Variants in PRICKLE2 observed in about 807,000 individuals in gnomAD.
The protein encoded by PRICKLE2 is prickle planar cell polarity protein 2.
PRICKLE2 carries 21 observed loss-of-function variants against 81.4 expected under a neutral mutation model. The observed-to-expected ratio is 0.26, with a 90% confidence interval of 0.18 to 0.37. The LOEUF is 0.37. Ranked by LOEUF, PRICKLE2 falls within the 10% of genes least tolerant of loss-of-function variation. PRICKLE2 has a pLI of 1.00. For synonymous variants in PRICKLE2, 456 were observed against 421.5 expected (o/e 1.08, Z -1.00); for missense variants, 940 against 1,109.0 (o/e 0.85, Z 2.16).
rs536816107 is a variant in PRICKLE2, at chr3:64,232,337, T to C, written c.129-33370A>G. On this transcript the variant is annotated intron_variant, in intron 2 of 8. Coordinates refer to the PRICKLE2 transcript ENST00000295902. ...TGACAGCTAATGAACATTTTTGGAA[T>C]TAATAAAAAGCTTGACAATGCTTCT... is the stretch of plus-strand genomic sequence containing the variant. 3.3e-5 allele frequency among the ~76,000 whole-genome samples: 5 copies of C among 152,310 alleles called. No homozygotes were observed. In the South Asian group the frequency reaches 1.0e-3, roughly 32 times the overall value.
intron 2 of PRICKLE2, among the ~76,000 whole-genome samples, chr3:64,261,511 T>G (rs140945370): frequency 1.2e-3 from 180 of 152,040 alleles, no homozygotes; most frequent in African/African-American, 3.9e-3. Context: ...TGGAGAAAAG[T>G]TGGTAAGATA....
At chr3:64,165,398 C>T (rs551924199) in intron 2 of PRICKLE2, among the ~76,000 whole-genome samples, 2 of 152,288 alleles carry the variant, frequency 1.3e-5, no homozygotes, top group African/African-American at 4.8e-5. Context: ...AAATACTCAT[C>T]ATAAGACTGT....
chr3:64,099,678 G>A lies in PRICKLE2; in HGVS notation c.1908C>T (p.His636=). 1.2e-6 allele frequency: 2 copies of A among 1,614,138 alleles called. No homozygotes were observed. The highest frequency in any genetic ancestry group is 1.7e-6 in the Non-Finnish European group (2 of 1,180,034). Residue 636 remains histidine (H), a synonymous_variant, in exon 8 of 8, where the codon CAC becomes CAT. Coordinates refer to ENST00000638394, the MANE Select transcript of PRICKLE2 (RefSeq NM_198859.4). This position sits in a 1 kb window ranked among gnomAD's most constrained non-coding sequence, Gnocchi z 4.3. ...NPIGYRDLQS[H]GRMHQSFDFD... The stretch of plus-strand genomic sequence containing the variant: ...AATCAAAGCTCTGATGCATCCTTCC[G>A]TGGGACTGCAGGTCTCTGTAGCCAA...
chr3:64,218,241 G>A (rs2078902488), intron 1 of PRICKLE2, among the ~76,000 whole-genome samples: 2 of 152,126 alleles, frequency 1.3e-5, no homozygotes, highest in African/African-American at 4.8e-5. Context: ...ACTTCACAAT[G>A]CCTTTTACCT....
chr3:64,182,085 T>C (rs2078144740), intron 2 of PRICKLE2, among the ~76,000 whole-genome samples: 1 of 151,702 alleles, frequency 6.6e-6, no homozygotes, highest in Non-Finnish European at 1.5e-5. Context: ...ATGGTCTGAA[T>C]TTGTACCCCC....
At chr3:64,249,946 G>A (rs940272536) in intron 2 of PRICKLE2, among the ~76,000 whole-genome samples, 6 of 152,206 alleles carry the variant, frequency 3.9e-5, no homozygotes, top group African/African-American at 1.4e-4. Context: ...GAGACTTGGT[G>A]AGATGGTTTG....
chr3:64,239,253 G>A (rs1035886654), intron 2 of PRICKLE2, among the ~76,000 whole-genome samples: 6 of 152,174 alleles, frequency 3.9e-5, no homozygotes, highest in Non-Finnish European at 8.8e-5. Context: ...GGGGCGGGGG[G>A]CTGGCAGCGT....
rs1047145497 is a variant in PRICKLE2, at chr3:64,098,397, T to C, written c.*654A>G. ...ATGCTTTGGGTCTAACAGTTATGTT[T>C]TTTCAGCCACAAAAAGCCAAATTGA... is the stretch of plus-strand genomic sequence containing the variant. On this transcript the variant is annotated 3_prime_UTR_variant, in exon 8 of 8. Coordinates refer to ENST00000638394, the MANE Select transcript of PRICKLE2 (RefSeq NM_198859.4). 3.3e-5 allele frequency: 5 copies of C among 152,316 alleles called. No homozygotes were observed. Among genetic ancestry groups the C allele is most frequent in the African/African-American group, 1.2e-4 (5 of 41,260 alleles). 9.4% of individuals were successfully genotyped at this position (152,316 alleles called of 1,614,324 possible). A position where few individuals can be genotyped will look rare whatever the true frequency, so the allele number is the denominator to read the frequency against.
chr3:64,116,028 C>G (rs541273544), intron 7 of PRICKLE2, among the ~76,000 whole-genome samples: 14 of 152,196 alleles, frequency 9.2e-5, no homozygotes, highest in Admixed American at 6.5e-4. Context: ...AATTAGAAAT[C>G]AAGACTAAGA....
chr3:64,242,788 A>G (rs2079286726), intron 2 of PRICKLE2, among the ~76,000 whole-genome samples: 1 of 152,226 alleles, frequency 6.6e-6, no homozygotes, highest in Non-Finnish European at 1.5e-5. Context: ...CAATCTGTGC[A>G]CCCTGCCAGC....
At chr3:64,153,475 C>A in intron 5 of PRICKLE2, 107 bp from the exon 6 acceptor site, 1 of 1,038,238 alleles carries the variant, frequency 9.6e-7, no homozygotes, top group Non-Finnish European at 1.5e-6. Context: ...AAAGCAGATC[C>A]TACTCACAAA....
In PRICKLE2 at chr3:64,147,018, A is replaced by G; in HGVS notation, c.1472T>C (p.Phe491Ser). 3.1e-6 allele frequency: 5 copies of G among 1,614,044 alleles called. No individual in the cohort carries two copies. The highest frequency in any genetic ancestry group is 4.2e-6 in the Non-Finnish European group (5 of 1,180,010). The change falls in exon 7 of 8, where the codon TTC becomes TCC. Residue 491 changes from phenylalanine to serine, a missense_variant. This residue lies in a region of PRICKLE2 where 670 missense variants were observed against 717.2 expected (regional missense o/e 0.93). Transcript: ENST00000638394. The surrounding 1 kb of genome is among the most constrained non-coding windows in gnomAD (Gnocchi z 5.0). ...TTGGATGCTGCCTCGGGTCTCACTG[A>G]AACTCTGACTAGACATATCACTGTA... ...ESYSDMSSQSFSETRGSIQVP... is the reference protein window; with the variant it reads ...ESYSDMSSQSSSETRGSIQVP...
intron 1 of PRICKLE2, among the ~76,000 whole-genome samples, chr3:64,217,591 A>G (rs1443362632): frequency 6.6e-6 from 1 of 152,224 alleles, no homozygotes; most frequent in Non-Finnish European, 1.5e-5. Context: ...CGTATTTACT[A>G]AACTGGAAAG....
intron 7 of PRICKLE2, among the ~76,000 whole-genome samples, chr3:64,112,272 G>C (rs574526356): frequency 6.6e-6 from 1 of 152,286 alleles, no homozygotes; most frequent in South Asian, 2.1e-4. Context: ...CAGCCAACTT[G>C]ATGAGGTGGG....
At chr3:64,107,992 A>T (rs1245124606) in intron 7 of PRICKLE2, among the ~76,000 whole-genome samples, 1 of 152,150 alleles carries the variant, frequency 6.6e-6, no homozygotes, top group Non-Finnish European at 1.5e-5. Context: ...GAGAAAATGG[A>T]ATTGTTTAGA....
At chr3:64,244,038 T>A (rs565907981) in intron 2 of PRICKLE2, among the ~76,000 whole-genome samples, 1 of 152,192 alleles carries the variant, frequency 6.6e-6, no homozygotes, top group Admixed American at 6.5e-5. Flanking sequence ...GGAAGACCCA[T>A]CACCTGTTTG....
At chr3:64,121,125 G>A (rs1050276388) in intron 7 of PRICKLE2, among the ~76,000 whole-genome samples, 1 of 152,174 alleles carries the variant, frequency 6.6e-6, no homozygotes, top group Admixed American at 6.5e-5. Context: ...TACCTGGTAG[G>A]AGCTGAGTAC....
At chr3:64,115,032 TG>T (rs1483955408) in intron 7 of PRICKLE2, among the ~76,000 whole-genome samples, 1 of 152,128 alleles carries the variant, frequency 6.6e-6, no homozygotes, top group East Asian at 1.9e-4. Flanking sequence ...CAGAAAAGAA[TG>T]GGGGCCAATA....
intron 7 of PRICKLE2, among the ~76,000 whole-genome samples, chr3:64,119,843 TG>T (rs1240136628): frequency 1.3e-5 from 2 of 152,236 alleles, no homozygotes; most frequent in African/African-American, 4.8e-5. Context: ...AAAGAAAATG[TG>T]GGGCATGTAC....
Sources: gnomAD v4.1 joint callset for allele counts (sites outside exome capture counted in the v4.1 genomes callset) on GRCh38, gnomAD v4.1.1 for gene constraint, gnomAD v4.1.1 regional missense constraint, Gnocchi (gnomAD v3.1) non-coding constraint, MANE v1.5 for transcripts, NCBI Gene and HGNC (gene_info 2026-07-23, HGNC 2026-07-21) for gene names.